Variants in LEPR observed in about 807,000 individuals in gnomAD.
LEPR encodes the protein leptin receptor, also known as OB receptor.
In LEPR, 56 loss-of-function variants were observed where a neutral mutation model predicts 114.7. That is an observed-to-expected ratio of 0.49 (90% CI 0.39 to 0.61). The LOEUF is 0.61. Ranked by LOEUF, LEPR falls within the 20% of genes least tolerant of loss-of-function variation. The pLI is 0.00. For missense variants in LEPR, 1,202 were observed against 1,352.9 expected, an observed-to-expected ratio of 0.89 and a Z score of 1.75; for synonymous variants, 443 against 461.4, an observed-to-expected ratio of 0.96 and a Z score of 0.51.
In LEPR at chr1:65,598,769, G is replaced by A; in HGVS notation, c.959G>A (p.Ser320Asn). ...AGACTGGATGGCCCAGGAATCTGGA[G>A]TGACTGGAGTACTCCTCGTGTCTTT... ...GKRLDGPGIWSDWSTPRVFTT... is the reference protein window; with the variant it reads ...GKRLDGPGIWNDWSTPRVFTT... Residue 320 changes from serine to asparagine, a missense_variant, in exon 8 of 20, where the codon AGT (serine) becomes AAT (asparagine). Transcript: ENST00000349533. 6.2e-7 allele frequency: 1 copy of A among 1,613,456 alleles called. No individual in the cohort carries two copies. The highest frequency in any genetic ancestry group is 8.5e-7 in the Non-Finnish European group (1 of 1,179,540).
intron 2 of LEPR, among the ~76,000 whole-genome samples, chr1:65,510,394 A>G (rs1283360653): frequency 1.3e-5 from 2 of 152,186 alleles, no homozygotes; most frequent in African/African-American, 2.4e-5. Flanking sequence ...GGAAGACTGG[A>G]TCAATTGAGC....
At chr1:65,434,778 C>T in intron 2 of LEPR, 1 of 985,386 alleles carries the variant, frequency 1.0e-6, no homozygotes. Flanking sequence ...TGAGAACCTT[C>T]CCACTGGGCT....
chr1:65,535,769 A>G (rs929272882), intron 2 of LEPR, among the ~76,000 whole-genome samples: 5 of 152,160 alleles, frequency 3.3e-5, no homozygotes, highest in Non-Finnish European at 7.3e-5. Context: ...TTGCAAATCA[A>G]TTCTTATGCA....
chr1:65,586,688 C>T (rs1018688476), intron 5 of LEPR, among the ~76,000 whole-genome samples: 3 of 151,662 alleles, frequency 2.0e-5, no homozygotes, highest in African/African-American at 7.3e-5. Flanking sequence ...AGGCAGATGG[C>T]TGGATTTGGC....
intron 19 of LEPR, among the ~76,000 whole-genome samples, chr1:65,631,938 AT>A (rs1658540371): frequency 1.3e-5 from 2 of 151,870 alleles, no homozygotes; most frequent in South Asian, 4.2e-4. Flanking sequence ...TTTATTCTTT[AT>A]TTTACAATAT....
rs561132998 is a variant in LEPR, at chr1:65,548,186, T to G, written c.-20-17360T>G. 1.3e-4 allele frequency among the ~76,000 whole-genome samples: 20 copies of G among 152,286 alleles called. No homozygotes were observed. The East Asian group carries it at 3.9e-3, about 29-fold the overall frequency. On this transcript the variant is annotated intron_variant, in intron 2 of 19. Transcript: ENST00000349533. ...TGGTCTGAGAGACAGTTTGTTATAA[T>G]TTCTGTTCTTTTACATTTGCTGAGG...
chr1:65,543,449 C>G (rs1189453690), intron 2 of LEPR, among the ~76,000 whole-genome samples: 2 of 151,974 alleles, frequency 1.3e-5, no homozygotes, highest in African/African-American at 4.8e-5. Context: ...TTTTGCTGTG[C>G]AGAAGCTGAG....
chr1:65,427,781 G>A, intron 2 of LEPR: 1 of 409,654 alleles, frequency 2.4e-6, no homozygotes, highest in South Asian at 1.8e-5. Context: ...TTGTTTTTTA[G>A]AGATGCCACA....
chr1:65,609,884 C>T, intron 12 of LEPR, 63 bp from the exon 13 acceptor site: 1 of 1,606,910 alleles, frequency 6.2e-7, no homozygotes, highest in South Asian at 1.1e-5. Flanking sequence ...AAATGTACTT[C>T]AGGGCCCTTT....
At chr1:65,601,261 G>A (rs1189845567) in intron 8 of LEPR, 131 bp from the exon 9 acceptor site, 1 of 1,139,162 alleles carries the variant, frequency 8.8e-7, no homozygotes, top group Non-Finnish European at 1.3e-6. Flanking sequence ...GCATTATCCA[G>A]TTTTTAAATT....
chr1:65,550,532 G>T (rs1782757), intron 2 of LEPR, among the ~76,000 whole-genome samples: 3 of 151,658 alleles, frequency 2.0e-5, no homozygotes, highest in Non-Finnish European at 4.4e-5. Context: ...GGGTGCCCCT[G>T]CCCCAGCCTC....
At chr1:65,569,407 A>G (rs1653995484) in intron 3 of LEPR, among the ~76,000 whole-genome samples, 1 of 152,214 alleles carries the variant, frequency 6.6e-6, no homozygotes, top group African/African-American at 2.4e-5. Context: ...TTTCAAACAA[A>G]TATTTAAAAA....
chr1:65,620,056 C>A (rs1657782169), intron 17 of LEPR, 33 bp downstream of exon 17: 2 of 1,490,976 alleles, frequency 1.3e-6, no homozygotes, highest in Non-Finnish European at 1.9e-6. Context: ...CCTTTTACAC[C>A]AATGTGTGTG....
intron 2 of LEPR, chr1:65,429,838 A>AT: frequency 1.4e-6 from 2 of 1,395,574 alleles, no homozygotes; most frequent in Non-Finnish European, 1.9e-6. Flanking sequence ...TTCTTTTTGG[A>AT]TTTTGCCTGG....
intron 2 of LEPR, among the ~76,000 whole-genome samples, chr1:65,496,308 C>T (rs1648153071): frequency 6.6e-6 from 1 of 152,160 alleles, no homozygotes; most frequent in South Asian, 2.1e-4. Flanking sequence ...TATGGTGGCA[C>T]ATGCTTATAA....
chr1:65,633,113 T>A lies in LEPR; in HGVS notation c.2674-3078T>A, dbSNP rs762053598. On this transcript the variant is annotated intron_variant, in intron 19 of 19. Transcript: ENST00000349533. The surrounding 1 kb of genome is among the most constrained non-coding windows in gnomAD (Gnocchi z 4.1). ...ATCTTTTTCTTTGTGAGTGATTTTTTATTTTGCTTTCTTATTTTGTTTTAT... is the reference window on the plus strand; with the variant it reads ...ATCTTTTTCTTTGTGAGTGATTTTTAATTTTGCTTTCTTATTTTGTTTTAT... 7.4e-7 allele frequency: 1 copy of A among 1,346,288 alleles called. No homozygotes were observed. The highest frequency in any genetic ancestry group is 2.3e-5 in the East Asian group (1 of 43,452). 83.4% of individuals were successfully genotyped at this position (1,346,288 alleles called of 1,614,324 possible).
At position 65,476,748 on chromosome 1, in the gene LEPR, A is replaced by G. The variant is rs569669061; in HGVS notation, c.-21+51370A>G. Among the ~76,000 whole-genome samples the G allele has an allele frequency of 2.6e-5, 4 of 152,314 alleles. No homozygotes were observed. The South Asian group carries it at 8.3e-4, about 32-fold the overall frequency. On this transcript the variant is annotated intron_variant, in intron 2 of 19. Coordinates refer to ENST00000349533, the MANE Select transcript of LEPR (RefSeq NM_002303.6). ...ATGCACTATGAGATATTTACATATA[A>G]TTCTTCAGTAACCCAATTGAGGGGA...
intron 2 of LEPR, among the ~76,000 whole-genome samples, chr1:65,510,966 C>T (rs1006127930): frequency 7.9e-5 from 12 of 152,100 alleles, no homozygotes; most frequent in African/African-American, 2.9e-4. Context: ...GAGCAATAGA[C>T]ACTCCCACTG....
intron 2 of LEPR, among the ~76,000 whole-genome samples, chr1:65,427,125 G>A (rs1451302765): frequency 6.6e-6 from 1 of 152,158 alleles, no homozygotes; most frequent in Non-Finnish European, 1.5e-5. Flanking sequence ...AACCCAAGAG[G>A]GATCCAGATA....
Sources: gnomAD v4.1 joint callset for allele counts (sites outside exome capture counted in the v4.1 genomes callset) on GRCh38, gnomAD v4.1.1 for gene constraint, Gnocchi (gnomAD v3.1) non-coding constraint, MANE v1.5 for transcripts, NCBI Gene and HGNC (gene_info 2026-07-23, HGNC 2026-07-21) for gene names.